SLC38A4: variants seen among roughly 807,000 people sequenced by gnomAD.
SLC38A4 encodes solute carrier family 38 member 4.
SLC38A4 carries 20 observed loss-of-function variants against 63.1 expected under a neutral mutation model. The ratio of observed to expected loss-of-function variants is 0.32; its 90% confidence interval spans 0.22 to 0.46. The LOEUF (loss-of-function observed/expected upper bound fraction) is 0.46, where lower values mean the gene tolerates loss of function less well. SLC38A4 is among the 20% of genes least tolerant of loss of function. The probability of loss-of-function intolerance (pLI) is 1.00; values close to 1 mark genes in which losing one functional copy is unlikely to be tolerated. For synonymous variants in SLC38A4, 230 were observed against 225.5 expected (o/e 1.02, Z -0.18); for missense variants, 526 against 663.6 (o/e 0.79, Z 2.28).
intron 12 of SLC38A4, 76 bp from the exon 13 acceptor site, chr12:46,777,080 A>G (rs893265099): frequency 8.7e-7 from 1 of 1,143,080 alleles, no homozygotes; most frequent in Non-Finnish European, 1.3e-6. Context: ...GAAAATAATA[A>G]TAAAAAAGTA....
chr12:46,780,503 G>A (rs922156991), intron 7 of SLC38A4, among the ~76,000 whole-genome samples: 2 of 151,956 alleles, frequency 1.3e-5, no homozygotes, highest in Admixed American at 6.6e-5. Flanking sequence ...TATCTGAGGA[G>A]TACACAAAGT....
chr12:46,804,743 T>G (rs960395291), intron 1 of SLC38A4, among the ~76,000 whole-genome samples: 1 of 152,102 alleles, frequency 6.6e-6, no homozygotes, highest in Non-Finnish European at 1.5e-5. Context: ...AAACTTACTT[T>G]TACTTGTCTC....
chr12:46,790,138 T>A (rs1313473920), intron 3 of SLC38A4, among the ~76,000 whole-genome samples: 1 of 152,082 alleles, frequency 6.6e-6, no homozygotes, highest in Non-Finnish European at 1.5e-5. Flanking sequence ...TTGTAGGAGA[T>A]CTGTACAAGC....
At chr12:46,813,590 A>C (rs1198168861) in intron 1 of SLC38A4, among the ~76,000 whole-genome samples, 2 of 152,006 alleles carry the variant, frequency 1.3e-5, no homozygotes, top group East Asian at 1.9e-4. Context: ...TAAGGGTTGC[A>C]CTGTAACATA....
chr12:46,804,809 A>G (rs958003983), intron 1 of SLC38A4, among the ~76,000 whole-genome samples: 4 of 151,982 alleles, frequency 2.6e-5, no homozygotes, highest in Admixed American at 1.3e-4. Context: ...TTATCAGACG[A>G]GAAGTATTGT....
At chr12:46,791,108 C>A (rs535863930) in intron 3 of SLC38A4, among the ~76,000 whole-genome samples, 6 of 152,172 alleles carry the variant, frequency 3.9e-5, no homozygotes, top group Admixed American at 2.6e-4. Flanking sequence ...TTAACTCTGT[C>A]AACCTCGGCA....
At chr12:46,796,606 C>T (rs1565671822) in intron 2 of SLC38A4, among the ~76,000 whole-genome samples, 1 of 152,132 alleles carries the variant, frequency 6.6e-6, no homozygotes, top group Non-Finnish European at 1.5e-5. Context: ...AGGAGCATCC[C>T]ACTCCCAGAC....
At chr12:46,788,988 C>A (rs75762073) in intron 3 of SLC38A4, among the ~76,000 whole-genome samples, 2 of 152,094 alleles carry the variant, frequency 1.3e-5, no homozygotes, top group East Asian at 3.9e-4. Context: ...GAACTACTAC[C>A]ATACCATAAT....
At chr12:46,804,017 A>T (rs1381019227) in intron 1 of SLC38A4, among the ~76,000 whole-genome samples, 2 of 152,084 alleles carry the variant, frequency 1.3e-5, no homozygotes, top group Non-Finnish European at 2.9e-5. Context: ...TTATGAATTG[A>T]AGTCAAAGCA....
At chr12:46,818,818 T>C (rs1243504391) in intron 1 of SLC38A4, among the ~76,000 whole-genome samples, 2 of 151,948 alleles carry the variant, frequency 1.3e-5, no homozygotes, top group African/African-American at 4.8e-5. Flanking sequence ...TATCTTGCAA[T>C]CTTACAGAAA....
rs1319131253 is a variant in SLC38A4 at position 46,766,384 on chromosome 12, T to A, written c.*317A>T. On this transcript the variant is annotated 3_prime_UTR_variant, in exon 17 of 17. Transcript: ENST00000266579. ...GGAGACGGCAGGGGAAAGAGTACTA[T>A]CTGATGATTGTTACATGCAGTTACC... 2.1e-6 allele frequency: 1 copy of A among 483,864 alleles called. No individual in the cohort carries two copies. Among genetic ancestry groups the A allele is most frequent in the Non-Finnish European group, 4.1e-6 (1 of 245,620 alleles). 30.0% of individuals were successfully genotyped at this position (483,864 alleles called of 1,614,324 possible).
At chr12:46,831,003 T>C (rs1939724200) in intron 1 of SLC38A4, among the ~76,000 whole-genome samples, 1 of 152,206 alleles carries the variant, frequency 6.6e-6, no homozygotes. Flanking sequence ...CTGAGTTTCC[T>C]AACTTAGTTC....
intron 1 of SLC38A4, among the ~76,000 whole-genome samples, chr12:46,821,493 C>T (rs1031933945): frequency 6.6e-6 from 1 of 151,992 alleles, no homozygotes; most frequent in Admixed American, 6.6e-5. Flanking sequence ...TACTTCTGGG[C>T]TCTCTATGCC....
chr12:46,779,149 A>G (rs1938588512), intron 10 of SLC38A4, among the ~76,000 whole-genome samples: 1 of 151,918 alleles, frequency 6.6e-6, no homozygotes, highest in African/African-American at 2.4e-5. Flanking sequence ...TTTGGCATTC[A>G]TGATAGTGCA....
At chr12:46,807,389 G>A (rs1939254660) in intron 1 of SLC38A4, among the ~76,000 whole-genome samples, 1 of 151,732 alleles carries the variant, frequency 6.6e-6, no homozygotes, top group Admixed American at 6.6e-5. Context: ...AGATCTAATT[G>A]ATTTTTTTAA....
rs528881131 is a variant in SLC38A4, at chr12:46,768,548, C to T, written c.1445-141G>A. The stretch of plus-strand genomic sequence containing the variant: ...AAAACACACACTTAAGTCACATAAG[C>T]TCATCTTGGTTATTTATTCATAGAA... On this transcript the variant is annotated intron_variant, in intron 15 of 16. Transcript: ENST00000266579. 38 of 493,754 alleles carry T rather than the reference C, an allele frequency of 7.7e-5. No homozygotes were observed. In the Admixed American group the frequency reaches 8.2e-4, roughly 11 times the overall value. The allele number at this position is 493,754 out of a possible 1,614,324, so 30.6% of individuals were successfully genotyped here. A position where few individuals can be genotyped will look rare whatever the true frequency, so the allele number is the denominator to read the frequency against.
intron 14 of SLC38A4, 63 bp from the exon 15 acceptor site, chr12:46,769,491 A>G: frequency 6.5e-7 from 1 of 1,540,074 alleles, no homozygotes; most frequent in Admixed American, 1.7e-5. Context: ...TATTACTTCA[A>G]ATATTCTCAT....
At chr12:46,781,571 G>A (rs1191284934) in intron 7 of SLC38A4, among the ~76,000 whole-genome samples, 1 of 152,026 alleles carries the variant, frequency 6.6e-6, no homozygotes, top group Non-Finnish European at 1.5e-5. Context: ...AGAAAATTAA[G>A]TGTTCTAAAT....
chr12:46,784,424 G>A, intron 7 of SLC38A4, 118 bp downstream of exon 7: 2 of 586,284 alleles, frequency 3.4e-6, no homozygotes, highest in South Asian at 4.4e-5. Context: ...TAAAATTTAA[G>A]AACTATAAGT....
Sources: allele counts gnomAD v4.1 joint callset (sites outside exome capture counted in the v4.1 genomes callset), GRCh38; gene constraint gnomAD v4.1.1; transcripts MANE v1.5; gene names NCBI Gene and HGNC (gene_info 2026-07-23, HGNC 2026-07-21).